The following KBTBD3 variants were observed in gnomAD, a reference collection of about 807,000 sequenced individuals.
KBTBD3 encodes kelch repeat and BTB domain-containing protein 3.
KBTBD3 carries 38 observed loss-of-function variants against 49.6 expected under a neutral mutation model. The ratio of observed to expected loss-of-function variants is 0.77; its 90% CI spans 0.59 to 1.00. The LOEUF is 1.00. Among genes scored for constraint, KBTBD3 ranks in the 50% least tolerant of loss-of-function variants. The pLI is 0.00. For synonymous variants in KBTBD3, 214 were observed against 250.4 expected, an observed-to-expected ratio of 0.85 and a Z score of 1.37; for missense variants, 661 against 712.0, an observed-to-expected ratio of 0.93 and a Z score of 0.81.
At chr11:106,062,453 G>A (rs1168475703) in intron 2 of KBTBD3, among the ~76,000 whole-genome samples, 1 of 152,160 alleles carries the variant, frequency 6.6e-6, no homozygotes, top group Non-Finnish European at 1.5e-5. Context: ...GCAAAGGCCT[G>A]AGAACCACAA....
At chr11:106,069,135 A>T (rs1199513529) in intron 2 of KBTBD3, among the ~76,000 whole-genome samples, 3 of 152,150 alleles carry the variant, frequency 2.0e-5, no homozygotes, top group Non-Finnish European at 4.4e-5. Context: ...TCCCCCTAAG[A>T]TGAGGAAAAC....
At position 106,061,875 on chromosome 11, in the gene KBTBD3, GTA is replaced by G. The variant is rs147844393; in HGVS notation, c.-12-2768_-12-2767del. On this transcript the variant is annotated intron_variant, in intron 2 of 3. Coordinates refer to ENST00000531837, the MANE Select transcript of KBTBD3 (RefSeq NM_198439.3). ...AATACATATACATATATGTGTGTGT[GTA>G]TATATATATCCCTTTAGTTCTGTTT... 3.3e-3 allele frequency among the ~76,000 whole-genome samples: 498 copies of G among 151,574 alleles called. 3 individuals are homozygous for G. The highest frequency in any genetic ancestry group is 0.011 in the African/African-American group (472 of 41,106).
At chr11:106,061,765 T>C (rs1860699941) in intron 2 of KBTBD3, among the ~76,000 whole-genome samples, 1 of 151,954 alleles carries the variant, frequency 6.6e-6, no homozygotes, top group Admixed American at 6.6e-5. Flanking sequence ...CCTTATAGTT[T>C]TTCTGTCTGT....
intron 2 of KBTBD3, among the ~76,000 whole-genome samples, chr11:106,064,825 A>G (rs1860773696): frequency 6.6e-6 from 1 of 151,782 alleles, no homozygotes; most frequent in African/African-American, 2.4e-5. Flanking sequence ...TAACTACAGA[A>G]TCGGGTGACT....
chr11:106,053,402 A>C lies in KBTBD3; in HGVS notation c.1287T>G (p.Pro429=), dbSNP rs1197685223. ...TAACAGATATCCATTCTTTGGAAAG[A>C]GGATTGTAAGATTCAACATCTAAGA... ...KSLLDVESYN[P]LSKEWISVSP... The change falls in exon 4 of 4, where the codon CCT becomes CCG. Residue 429 remains proline (P), a synonymous_variant. Coordinates refer to ENST00000531837, the MANE Select transcript of KBTBD3 (RefSeq NM_198439.3). The C allele has an allele frequency of 3.7e-6, 6 of 1,613,404 alleles. No homozygotes were observed. Among genetic ancestry groups the C allele is most frequent in the Non-Finnish European group, 5.1e-6 (6 of 1,179,760 alleles).
At chr11:106,072,769 A>G (rs1484942917) in intron 2 of KBTBD3, among the ~76,000 whole-genome samples, 3 of 152,198 alleles carry the variant, frequency 2.0e-5, no homozygotes, top group Admixed American at 6.5e-5. Context: ...TGATGTTTCA[A>G]TATACAGCAT....
intron 3 of KBTBD3, chr11:106,057,693 C>A (rs925707152): frequency 5.7e-5 from 11 of 191,350 alleles, no homozygotes; most frequent in Non-Finnish European, 8.5e-5. Context: ...CAGAAGGTTG[C>A]TTAGAATTAG....
Position 106,054,137 on chromosome 11 carries a change from T to G in KBTBD3, c.552A>C (p.Leu184Phe). The G allele has an allele frequency of 6.2e-7, 1 of 1,613,098 alleles. No homozygotes were observed. Among genetic ancestry groups the G allele is most frequent in the Non-Finnish European group, 8.5e-7 (1 of 1,179,452 alleles). Reference protein sequence around the residue: ...LHFVQHHFSLLFKSSDFLEMN... With the variant: ...LHFVQHHFSLFFKSSDFLEMN... ...TCTCTAAGAAATCACTGGATTTAAA[T>G]AATAAAGAAAAGTGATGTTGTACAA... The change falls in exon 4 of 4, where the codon TTA (leucine) becomes TTC (phenylalanine). Residue 184 changes from leucine (L) to phenylalanine (F), a missense_variant. By Grantham distance (22) the Leu-to-Phe change is conservative. Transcript: ENST00000531837.
chr11:106,055,853 T>C (rs1433991346), intron 3 of KBTBD3, among the ~76,000 whole-genome samples: 1 of 152,230 alleles, frequency 6.6e-6, no homozygotes, highest in African/African-American at 2.4e-5. Context: ...TCAGATTTGA[T>C]GTATTTATAA....
At position 106,052,978 on chromosome 11, in the gene KBTBD3, CCTGCACTTCAT is replaced by C. The variant is rs1277943222; in HGVS notation, c.1700_1710del (p.Asp567GlyfsTer8). On this transcript the variant is annotated frameshift_variant, in exon 4 of 4. Coordinates refer to ENST00000531837, the MANE Select transcript of KBTBD3 (RefSeq NM_198439.3). LOFTEE classifies it high-confidence loss of function. ...CATTCAGACCTGTTGCTGTGGTAGA[CCTGCACTTCAT>C]CTGTGATTTCATCTGGTGCATAATC... 6.2e-7 allele frequency: 1 copy of C among 1,613,668 alleles called. No individual in the cohort carries two copies. The highest frequency in any genetic ancestry group is 8.5e-7 in the Non-Finnish European group (1 of 1,179,786).
Position 106,053,152 on chromosome 11 carries a change from T to G in KBTBD3, c.1537A>C (p.Ile513Leu). 6.2e-7 allele frequency: 1 copy of G among 1,613,616 alleles called. No individual in the cohort carries two copies. The highest frequency in any genetic ancestry group is 2.2e-5 in the East Asian group (1 of 44,862). ...KAVPVNCTLY[I>L]CDLSTYKVYS... is the part of the protein sequence containing the mutation. ...ACCTTATAGGTGGAAAGGTCACATATATACAGTGTACAGTTTACTGGTACA... is the reference window on the plus strand; with the variant it reads ...ACCTTATAGGTGGAAAGGTCACATAGATACAGTGTACAGTTTACTGGTACA... Residue 513 changes from isoleucine (I) to leucine (L), a missense_variant, in exon 4 of 4, where the codon ATA (isoleucine) becomes CTA (leucine). Coordinates refer to ENST00000531837, the MANE Select transcript of KBTBD3 (RefSeq NM_198439.3).
Position 106,053,600 on chromosome 11 carries a change from G to A in KBTBD3, c.1089C>T (p.Ala363=), listed in dbSNP as rs757476700. ...KCCRTVRLHI[A]ESYHDATDQT... ...GATCAGTGGCATCATGATATGACTCGGCAATATGCAGTCGAACCGTTCGAC... is the reference window on the plus strand; with the variant it reads ...GATCAGTGGCATCATGATATGACTCAGCAATATGCAGTCGAACCGTTCGAC... Residue 363 remains alanine, a synonymous_variant, in exon 4 of 4, where the codon GCC becomes GCT. Transcript: ENST00000531837. 20 of 1,613,700 alleles carry A rather than the reference G, an allele frequency of 1.2e-5. No homozygotes were observed. Among genetic ancestry groups the A allele is most frequent in the South Asian group, 2.2e-5 (2 of 91,078 alleles).
At chr11:106,073,359 C>A (rs1860961880) in intron 2 of KBTBD3, among the ~76,000 whole-genome samples, 1 of 151,250 alleles carries the variant, frequency 6.6e-6, no homozygotes, top group Admixed American at 6.6e-5. Flanking sequence ...GCCTCAGCCT[C>A]CCAAAGTGCT....
chr11:106,056,429 A>G (rs1705780269), intron 3 of KBTBD3, among the ~76,000 whole-genome samples: 1 of 152,220 alleles, frequency 6.6e-6, no homozygotes, highest in African/African-American at 2.4e-5. Flanking sequence ...AATAAAAAAT[A>G]GCATCAAGAA....
chr11:106,057,219 A>G (rs1860570541), intron 3 of KBTBD3, among the ~76,000 whole-genome samples: 1 of 152,218 alleles, frequency 6.6e-6, no homozygotes, highest in South Asian at 2.1e-4. Flanking sequence ...TAAAGGCAAT[A>G]AGGATGAGAT....
Position 106,053,864 on chromosome 11 carries a change from A to T in KBTBD3, c.825T>A (p.Ile275=). Residue 275 remains isoleucine, a synonymous_variant, in exon 4 of 4, where the codon ATT becomes ATA. Transcript: ENST00000531837. Reference sequence around the variant, plus strand: ...GTCCACCAGAACCTTGCACACACTTAATTGCATCCATGATTATGTCAAAAC... The same window carrying T: ...GTCCACCAGAACCTTGCACACACTTTATTGCATCCATGATTATGTCAAAAC... The part of the protein sequence containing the change: ...TNCFDIIMDA[I]KCVQGSGGLF... 6.2e-7 allele frequency: 1 copy of T among 1,613,994 alleles called. No homozygotes were observed. The highest frequency in any genetic ancestry group is 8.5e-7 in the Non-Finnish European group (1 of 1,179,922).
Position 106,061,833 on chromosome 11 carries a change from T to C in KBTBD3, c.-12-2724A>G, listed in dbSNP as rs890751042. Among the ~76,000 whole-genome samples, 16 of 152,026 alleles carry C rather than the reference T, an allele frequency of 1.1e-4. 1 individual carries two copies. Among genetic ancestry groups the C allele is most frequent in the African/African-American group, 3.1e-4 (13 of 41,366 alleles). ...TACAAGTATATAGTAAAAATACCTA[T>C]ACATATGTATAGTACAAATACATAT... On this transcript the variant is annotated intron_variant, in intron 2 of 3. Transcript: ENST00000531837.
chr11:106,058,158 G>A, intron 3 of KBTBD3: 1 of 353,128 alleles, frequency 2.8e-6, no homozygotes, highest in Non-Finnish European at 5.1e-6. Flanking sequence ...GCCGAAGTGG[G>A]CGGATCACGA....
intron 2 of KBTBD3, among the ~76,000 whole-genome samples, chr11:106,072,774 C>T (rs145298998): frequency 2.0e-4 from 31 of 152,250 alleles, no homozygotes; most frequent in East Asian, 1.9e-3. Context: ...TTTCAATATA[C>T]AGCATGATTT....
Sources: allele counts gnomAD v4.1 joint callset (sites outside exome capture counted in the v4.1 genomes callset), GRCh38; gene constraint gnomAD v4.1.1; transcripts MANE v1.5; gene names NCBI Gene and HGNC (gene_info 2026-07-23, HGNC 2026-07-21).